The following PHAF1 variants were observed in gnomAD, a reference collection of about 807,000 sequenced individuals.
The protein encoded by PHAF1 is phagosome assembly factor 1.
Under a neutral mutation model 63.1 loss-of-function variants are expected in PHAF1, and 23 were observed. That is an observed-to-expected ratio of 0.36 (90% confidence interval 0.26 to 0.52). The LOEUF (loss-of-function observed/expected upper bound fraction) is 0.52. Among genes scored for constraint, PHAF1 ranks in the 20% least tolerant of loss-of-function variants. The probability of loss-of-function intolerance (pLI) is 0.93; values close to 1 mark genes in which losing one functional copy is unlikely to be tolerated. For missense variants in PHAF1, 427 were observed against 517.2 expected, an observed-to-expected ratio of 0.83 and a Z score of 1.69; for synonymous variants, 167 against 185.0, an observed-to-expected ratio of 0.90 and a Z score of 0.79.
At chr16:67,133,614 T>C (rs58843677) in intron 6 of PHAF1, among the ~76,000 whole-genome samples, 16,924 of 151,596 alleles carry the variant, frequency 0.11, 1,859 homozygotes, top group African/African-American at 0.28. Context: ...CCCGTCTCTA[T>C]TAAAAATACA....
At chr16:67,145,518 C>T (rs2029976009) in intron 13 of PHAF1, 52 bp from the exon 14 acceptor site, 2 of 1,612,696 alleles carry the variant, frequency 1.2e-6, no homozygotes. Flanking sequence ...CCATTGGTCA[C>T]AGACATGTTC....
chr16:67,115,131 G>A (rs1001871667), intron 1 of PHAF1, among the ~76,000 whole-genome samples: 1 of 152,182 alleles, frequency 6.6e-6, no homozygotes, highest in African/African-American at 2.4e-5. Flanking sequence ...AGGATTCGTG[G>A]TATAGGACCT....
In PHAF1 at chr16:67,134,191, T is replaced by C. The variant is rs1963524514; in HGVS notation, c.474T>C (p.Ala158=). 6.2e-7 allele frequency: 1 copy of C among 1,613,992 alleles called. No homozygotes were observed. Among genetic ancestry groups the C allele is most frequent in the Non-Finnish European group, 8.5e-7 (1 of 1,179,998 alleles). The change falls in exon 7 of 16, where the codon GCT becomes GCC. Residue 158 remains alanine, a synonymous_variant. Transcript: ENST00000219139. ...AGCCCAATTTTGCCCATGGCCTGGC[T>C]TCTCTCCAGATACCCCATGGAGCAA... is the stretch of plus-strand genomic sequence containing the variant. ...KYEPNFAHGL[A]SLQIPHGATV...
At chr16:67,141,963 A>G (rs1963827853) in intron 10 of PHAF1, among the ~76,000 whole-genome samples, 1 of 152,240 alleles carries the variant, frequency 6.6e-6, no homozygotes, top group Admixed American at 6.5e-5. Context: ...CAGTCCCACC[A>G]TTCGGTGGGT....
At chr16:67,116,808 C>T (rs1186335204) in intron 1 of PHAF1, among the ~76,000 whole-genome samples, 2 of 152,046 alleles carry the variant, frequency 1.3e-5, no homozygotes, top group Non-Finnish European at 2.9e-5. Flanking sequence ...CAAGATTGCA[C>T]CACTACACTC....
intron 2 of PHAF1, among the ~76,000 whole-genome samples, chr16:67,125,703 G>A (rs951239810): frequency 1.3e-5 from 2 of 152,144 alleles, no homozygotes; most frequent in African/African-American, 4.8e-5. Context: ...TTTTCCCCAG[G>A]TATTTTTACT....
chr16:67,144,143 C>T (rs62057950), intron 10 of PHAF1, 151 bp from the exon 11 acceptor site: 2 of 625,600 alleles, frequency 3.2e-6, no homozygotes, highest in Admixed American at 2.8e-5. Flanking sequence ...CTTGGCCTGT[C>T]CCCTGGACTG....
chr16:67,133,517 A>C (rs951382406), intron 6 of PHAF1, among the ~76,000 whole-genome samples: 10 of 149,610 alleles, frequency 6.7e-5, no homozygotes, highest in Admixed American at 4.7e-4. Context: ...AAAAAAAAAA[A>C]AAAAACAGGC....
intron 3 of PHAF1, among the ~76,000 whole-genome samples, chr16:67,128,472 C>T (rs1423217161): frequency 2.0e-5 from 3 of 152,192 alleles, no homozygotes; most frequent in South Asian, 2.1e-4. Flanking sequence ...CATCCAACAC[C>T]TTCAGAATCC....
chr16:67,122,998 G>A (rs527846365), intron 2 of PHAF1, among the ~76,000 whole-genome samples: 8 of 152,060 alleles, frequency 5.3e-5, no homozygotes, highest in Non-Finnish European at 7.4e-5. Flanking sequence ...CAAAGTGCTC[G>A]GATTACAAGC....
In PHAF1 at chr16:67,147,456, G is replaced by A. The variant is rs149463851; in HGVS notation, c.*325G>A. 5.1e-3 allele frequency: 1,586 copies of A among 313,300 alleles called. 14 individuals are homozygous for A. The highest frequency in any genetic ancestry group is 5.6e-3 in the Non-Finnish European group (952 of 169,724). The allele number at this position is 313,300 out of a possible 1,614,324, so 19.4% of individuals were successfully genotyped here. On this transcript the variant is annotated 3_prime_UTR_variant, in exon 16 of 16. Transcript: ENST00000219139. The stretch of plus-strand genomic sequence containing the variant: ...TCAACCCTTGTCCCATGCACATTGG[G>A]AAGACTTGGGGCTCTTTCTGTGACT...
At chr16:67,110,350 C>T (rs1371390559) in intron 1 of PHAF1, 111 bp downstream of exon 1, 5 of 1,206,438 alleles carry the variant, frequency 4.1e-6, no homozygotes. Flanking sequence ...CTCCTCACCT[C>T]TTTCGTCCTC....
intron 1 of PHAF1, among the ~76,000 whole-genome samples, chr16:67,118,417 A>G (rs943548311): frequency 2.8e-5 from 4 of 142,654 alleles, no homozygotes; most frequent in Non-Finnish European, 4.6e-5. Flanking sequence ...GTTCACTACA[A>G]CCTCTGCCTC....
chr16:67,145,881 C>T (rs35449178), intron 14 of PHAF1, among the ~76,000 whole-genome samples: 6,006 of 152,254 alleles, frequency 0.039, 179 homozygotes, highest in Middle Eastern at 0.082. Flanking sequence ...GGCCTTCTCA[C>T]CCTCAGTTAT....
At chr16:67,113,473 G>T (rs1427782164) in intron 1 of PHAF1, among the ~76,000 whole-genome samples, 1 of 143,196 alleles carries the variant, frequency 7.0e-6, no homozygotes, top group Non-Finnish European at 1.5e-5. Context: ...TTTTTGAGAC[G>T]GTGTCTCACT....
At chr16:67,125,486 C>T (rs1963151109) in intron 2 of PHAF1, among the ~76,000 whole-genome samples, 1 of 152,170 alleles carries the variant, frequency 6.6e-6, no homozygotes, top group Non-Finnish European at 1.5e-5. Flanking sequence ...GTGGATGGTA[C>T]AAACAGCCTG....
chr16:67,145,959 C>T (rs989489215), intron 14 of PHAF1, among the ~76,000 whole-genome samples: 17 of 152,170 alleles, frequency 1.1e-4, no homozygotes, highest in Non-Finnish European at 2.2e-4. Flanking sequence ...GAGCTGCTGC[C>T]TGCTGAAGTC....
At chr16:67,124,763 C>T (rs941248208) in intron 2 of PHAF1, among the ~76,000 whole-genome samples, 15 of 151,936 alleles carry the variant, frequency 9.9e-5, no homozygotes, top group African/African-American at 3.4e-4. Flanking sequence ...GTCAGCCGGG[C>T]GTGGTGGCGG....
intron 15 of PHAF1, among the ~76,000 whole-genome samples, 162 bp from the exon 16 acceptor site, chr16:67,146,883 C>T (rs2030138008): frequency 6.6e-6 from 1 of 152,154 alleles, no homozygotes; most frequent in East Asian, 1.9e-4. Flanking sequence ...AGGCAGATCT[C>T]AGGCAGAGGG....
Sources: gnomAD v4.1 joint callset for allele counts (sites outside exome capture counted in the v4.1 genomes callset) on GRCh38, gnomAD v4.1.1 for gene constraint, MANE v1.5 for transcripts, NCBI Gene and HGNC (gene_info 2026-07-23, HGNC 2026-07-21) for gene names.